ALS2: variants seen among roughly 807,000 people sequenced by gnomAD.
The protein encoded by ALS2 is alsin.
ALS2 carries 117 observed loss-of-function variants against 203.4 expected under a neutral mutation model. The ratio of observed to expected loss-of-function variants is 0.58; its 90% CI spans 0.50 to 0.67. ALS2 has a LOEUF of 0.67. Among genes scored for constraint, ALS2 ranks in the 30% least tolerant of loss-of-function variants. ALS2 has a pLI of 0.00. For synonymous variants in ALS2, 718 were observed against 725.9 expected, an observed-to-expected ratio of 0.99 and a Z score of 0.17; for missense variants, 1,715 against 1,989.4, an observed-to-expected ratio of 0.86 and a Z score of 2.62.
chr2:201,749,935 A>T, intron 7 of ALS2, 146 bp from the exon 8 acceptor site: 2 of 712,776 alleles, frequency 2.8e-6, no homozygotes, highest in East Asian at 5.5e-5. Context: ...TCTTTAACAG[A>T]TATTAAGGAA....
Position 201,704,566 on chromosome 2 carries a change from GGATGACCTTAAGTTTGTCT to G in ALS2, c.4707_4725del (p.Asp1570SerfsTer42). ...TGAGAGATCTCCTCAAAAGTCTGCT[GGATGACCTTAAGTTTGTCT>G]GATGGGGTAAATGTTGTGCTGTTAC... On this transcript the variant is annotated frameshift_variant, in exon 32 of 34. Transcript: ENST00000264276. LOFTEE classifies it high-confidence loss of function. The G allele has an allele frequency of 6.2e-7, 1 of 1,614,096 alleles. No homozygotes were observed. The highest frequency in any genetic ancestry group is 8.5e-7 in the Non-Finnish European group (1 of 1,179,994).
rs751091136 is a variant in ALS2, at chr2:201,709,982, C to G, written c.4179G>C (p.Val1393=). ...LGRLVETLVA[V]YRMTYVGVGA... Reference sequence around the variant, plus strand: ...CTACGCCCACGTATGTCATTCTATACACTGCAACCAGTGTCTCCACAAGCC... The same window carrying G: ...CTACGCCCACGTATGTCATTCTATAGACTGCAACCAGTGTCTCCACAAGCC... The change falls in exon 27 of 34, where the codon GTG becomes GTC. Residue 1393 remains valine (V), a synonymous_variant. Coordinates refer to ENST00000264276, the MANE Select transcript of ALS2 (RefSeq NM_020919.4). The G allele has an allele frequency of 6.2e-7, 1 of 1,614,068 alleles. No homozygotes were observed. Among genetic ancestry groups the G allele is most frequent in the Non-Finnish European group, 8.5e-7 (1 of 1,179,950 alleles).
chr2:201,744,575 C>T (rs1692501056), intron 9 of ALS2, 146 bp from the exon 10 acceptor site: 6 of 883,178 alleles, frequency 6.8e-6, no homozygotes, highest in Non-Finnish European at 1.1e-5. Flanking sequence ...CCATTGGCAG[C>T]TTGAAAATTG....
In ALS2 at chr2:201,701,190, A is replaced by G. The variant is rs1257291239; in HGVS notation, c.*661T>C. On this transcript the variant is annotated 3_prime_UTR_variant, in exon 34 of 34. Coordinates refer to ENST00000264276, the MANE Select transcript of ALS2 (RefSeq NM_020919.4). ...CAAAATTCCTATGTTCTTTTAAGTT[A>G]AGAGGCAGAAGACTCCTATTTGGAT... 1.3e-5 allele frequency: 2 copies of G among 152,704 alleles called. No individual in the cohort carries two copies. The highest frequency in any genetic ancestry group is 4.8e-5 in the African/African-American group (2 of 41,456). The allele number at this position is 152,704 out of a possible 1,614,324, so 9.5% of individuals were successfully genotyped here.
chr2:201,759,564 C>CA (rs765171089), intron 4 of ALS2: 33 of 982,644 alleles, frequency 3.4e-5, no homozygotes, highest in Non-Finnish European at 4.0e-5. Context: ...TAAGCATGTA[C>CA]AGTCTAAGAA....
In ALS2 at chr2:201,757,786, T is replaced by C. The variant is rs28729117; in HGVS notation, c.1114-27A>G. The C allele has an allele frequency of 0.16, 242,687 of 1,504,302 alleles. 23,268 individuals carry two copies. The highest frequency in any genetic ancestry group is 0.42 in the East Asian group (18,014 of 43,242). 93.2% of individuals were successfully genotyped at this position (1,504,302 alleles called of 1,614,324 possible). A position where few individuals can be genotyped will look rare whatever the true frequency, so the allele number is the denominator to read the frequency against. ...TAAAATATACACACATAAAAAATTATATAAAAATATAATCCCTTATGCAAC... is the reference window on the plus strand; with the variant it reads ...TAAAATATACACACATAAAAAATTACATAAAAATATAATCCCTTATGCAAC... On this transcript the variant is annotated intron_variant, in intron 4 of 33. Transcript: ENST00000264276.
intron 28 of ALS2, 126 bp downstream of exon 28, chr2:201,707,743 C>T (rs1559031821): frequency 5.3e-6 from 7 of 1,327,788 alleles, no homozygotes; most frequent in Non-Finnish European, 7.4e-6. Flanking sequence ...CCCTCCTGGC[C>T]CCAACCATAT....
intron 11 of ALS2, among the ~76,000 whole-genome samples, chr2:201,739,541 G>A (rs1046654728): frequency 1.3e-5 from 2 of 151,860 alleles, no homozygotes; most frequent in East Asian, 1.9e-4. Flanking sequence ...TCAGGAGTTC[G>A]AGACCAGCCT....
chr2:201,775,748 C>A (rs1056218010), intron 1 of ALS2, among the ~76,000 whole-genome samples: 28 of 152,168 alleles, frequency 1.8e-4, no homozygotes, highest in African/African-American at 6.5e-4. Context: ...AGCCAATGAG[C>A]CTTCAAATCT....
chr2:201,764,526 C>T (rs1055741641), intron 3 of ALS2, among the ~76,000 whole-genome samples: 2 of 151,680 alleles, frequency 1.3e-5, no homozygotes, highest in South Asian at 2.1e-4. Flanking sequence ...CCCAGCTACT[C>T]GGGAGGCTGA....
chr2:201,754,496 C>A lies in ALS2; in HGVS notation c.1640+7G>T. On this transcript the variant is annotated splice_region_variant and intron_variant, in intron 6 of 33. Transcript: ENST00000264276. ...AACTTCTATCGGTAAATGTTGGTAG[C>A]GCTTACCTAGGCAGAACATCGCCGT... 1 of 1,613,972 alleles carries A rather than the reference C, an allele frequency of 6.2e-7. No individual in the cohort carries two copies. Among genetic ancestry groups the A allele is most frequent in the South Asian group, 1.1e-5 (1 of 91,072 alleles).
chr2:201,719,687 C>T (rs1690646175), intron 23 of ALS2, among the ~76,000 whole-genome samples: 1 of 152,198 alleles, frequency 6.6e-6, no homozygotes, highest in African/African-American at 2.4e-5. Flanking sequence ...GAGGCCTCAG[C>T]CAAGAAGGCC....
At chr2:201,758,979 C>T (rs1177397262) in intron 4 of ALS2, among the ~76,000 whole-genome samples, 1 of 152,112 alleles carries the variant, frequency 6.6e-6, no homozygotes, top group South Asian at 2.1e-4. Flanking sequence ...AAAAGAAATA[C>T]AAAGCCTATT....
intron 7 of ALS2, among the ~76,000 whole-genome samples, chr2:201,751,146 C>G (rs1299565513): frequency 6.6e-6 from 1 of 152,226 alleles, no homozygotes; most frequent in Non-Finnish European, 1.5e-5. Context: ...AGCCACCACA[C>G]TCAGCCTCCA....
intron 21 of ALS2, 111 bp from the exon 22 acceptor site, chr2:201,723,552 C>T (rs2105999339): frequency 1.1e-6 from 1 of 900,702 alleles, no homozygotes; most frequent in Non-Finnish European, 1.8e-6. Context: ...GGTATTGCTT[C>T]CATTTTTCTA....
At chr2:201,733,186 G>A (rs2106023571) in intron 13 of ALS2, 90 bp downstream of exon 13, 1 of 1,320,904 alleles carries the variant, frequency 7.6e-7, no homozygotes, top group East Asian at 2.3e-5. Flanking sequence ...TAAATTACTG[G>A]AGTTCCAGAT....
chr2:201,746,477 A>G (rs1692657598), intron 9 of ALS2, 89 bp downstream of exon 9: 1 of 1,456,238 alleles, frequency 6.9e-7, no homozygotes, highest in Admixed American at 1.7e-5. Context: ...ATGCTTACTA[A>G]TAATTAGCCA....
intron 1 of ALS2, among the ~76,000 whole-genome samples, chr2:201,779,734 A>G (rs1694814154): frequency 6.6e-6 from 1 of 152,258 alleles, no homozygotes; most frequent in Admixed American, 6.5e-5. Flanking sequence ...ACTGAGGCAG[A>G]GAGATTAAAT....
intron 1 of ALS2, among the ~76,000 whole-genome samples, chr2:201,770,763 A>G (rs190884058): frequency 6.6e-6 from 1 of 152,182 alleles, no homozygotes; most frequent in Admixed American, 6.5e-5. Context: ...CTGACTGAAC[A>G]TGGAAGAAGG....
Sources: gnomAD v4.1 joint callset for allele counts (sites outside exome capture counted in the v4.1 genomes callset) on GRCh38, gnomAD v4.1.1 for gene constraint, MANE v1.5 for transcripts, NCBI Gene and HGNC (gene_info 2026-07-23, HGNC 2026-07-21) for gene names.